MARCHF6: variants seen among roughly 807,000 people sequenced by gnomAD.
MARCHF6 encodes the protein E3 ubiquitin-protein ligase MARCHF6.
MARCHF6 carries 31 observed loss-of-function variants against 133.7 expected under a neutral mutation model. That is an observed-to-expected ratio of 0.23 (90% CI 0.17 to 0.31). MARCHF6 has a LOEUF of 0.31. Among genes scored for constraint, MARCHF6 ranks in the 10% least tolerant of loss-of-function variants. The pLI, the probability that MARCHF6 is intolerant of heterozygous loss-of-function variation, is 1.00. For synonymous variants in MARCHF6, 395 were observed against 402.5 expected (o/e 0.98, Z 0.22); for missense variants, 723 against 1,121.6 (o/e 0.64, Z 5.08).
In MARCHF6 at chr5:10,438,990, T is replaced by C. The variant is rs1039170535; in HGVS notation, c.*5306T>C. 2.0e-5 allele frequency: 3 copies of C among 152,358 alleles called. No individual in the cohort carries two copies. Among genetic ancestry groups the C allele is most frequent in the African/African-American group, 7.2e-5 (3 of 41,580 alleles). 9.4% of individuals were successfully genotyped at this position (152,358 alleles called of 1,614,324 possible). On this transcript the variant is annotated 3_prime_UTR_variant, in exon 26 of 26. Transcript: ENST00000274140. Reference sequence around the variant, plus strand: ...TCATTTTGAAACTTTTCTTCACATATGTAACAGTGCCGGAGTTTTTCTGCT... The same window carrying C: ...TCATTTTGAAACTTTTCTTCACATACGTAACAGTGCCGGAGTTTTTCTGCT...
intron 23 of MARCHF6, among the ~76,000 whole-genome samples, chr5:10,424,710 A>G (rs1288590155): frequency 6.6e-6 from 1 of 152,218 alleles, no homozygotes; most frequent in Non-Finnish European, 1.5e-5. Flanking sequence ...AGCCTGTAGT[A>G]GATTTGGAGT....
intron 1 of MARCHF6, among the ~76,000 whole-genome samples, chr5:10,359,407 A>G (rs1735672744): frequency 6.6e-6 from 1 of 152,148 alleles, no homozygotes; most frequent in South Asian, 2.1e-4. Context: ...TATTGTAAAA[A>G]TAAAGTATAT....
chr5:10,400,925 C>A, intron 11 of MARCHF6, 83 bp downstream of exon 11: 1 of 1,110,206 alleles, frequency 9.0e-7, no homozygotes, highest in South Asian at 1.3e-5. Flanking sequence ...TAAAGAGTTA[C>A]ATCATTTCTT....
intron 1 of MARCHF6, chr5:10,354,125 G>GCGGGGACCCTGCCGGGCAGGGGCCGGGGC (rs1735287115): frequency 2.7e-6 from 1 of 363,856 alleles, no homozygotes; most frequent in African/African-American, 2.1e-5. Flanking sequence ...GCCGAGGGGG[G>GCGGGGACCCTGCCGGGCAGGGGCCGGGGC]CGGGGACCCT....
At chr5:10,394,233 T>C (rs2126739327) in intron 8 of MARCHF6, 90 bp downstream of exon 8, 1 of 677,850 alleles carries the variant, frequency 1.5e-6, no homozygotes, top group South Asian at 2.9e-5. Flanking sequence ...ACTAATGTTA[T>C]CGTTACAGTT....
At chr5:10,416,112 A>T (rs1739498446) in intron 21 of MARCHF6, among the ~76,000 whole-genome samples, 1 of 152,202 alleles carries the variant, frequency 6.6e-6, no homozygotes. Context: ...TATATTACTT[A>T]CTTAAGGGCC....
At chr5:10,415,104 T>C (rs556071727) in intron 20 of MARCHF6, among the ~76,000 whole-genome samples, 1 of 152,354 alleles carries the variant, frequency 6.6e-6, no homozygotes, top group South Asian at 2.1e-4. Context: ...ATTAAAAGTA[T>C]TGACATCACA....
intron 17 of MARCHF6, among the ~76,000 whole-genome samples, chr5:10,409,364 T>A (rs73740710): frequency 0.017 from 2,519 of 152,318 alleles, 78 homozygotes; most frequent in African/African-American, 0.058. Context: ...AGGAAAGCCC[T>A]GAAGGAGTTG....
At chr5:10,355,497 G>T (rs1735399108) in intron 1 of MARCHF6, among the ~76,000 whole-genome samples, 1 of 152,194 alleles carries the variant, frequency 6.6e-6, no homozygotes, top group African/African-American at 2.4e-5. Flanking sequence ...TGCGCTCGAA[G>T]CACGTATGGA....
chr5:10,371,710 G>A (rs894253141), intron 1 of MARCHF6, among the ~76,000 whole-genome samples: 1 of 152,168 alleles, frequency 6.6e-6, no homozygotes, highest in African/African-American at 2.4e-5. Flanking sequence ...TGAAATAAAG[G>A]GTAGTTCTTA....
At chr5:10,364,521 A>G (rs1050168792) in intron 1 of MARCHF6, among the ~76,000 whole-genome samples, 3 of 152,104 alleles carry the variant, frequency 2.0e-5, no homozygotes, top group African/African-American at 7.2e-5. Context: ...CCTAGCCAAA[A>G]GAAAAGAAAA....
At chr5:10,423,483 C>A (rs558118178) in intron 22 of MARCHF6, among the ~76,000 whole-genome samples, 2 of 152,256 alleles carry the variant, frequency 1.3e-5, no homozygotes, top group Admixed American at 6.5e-5. Context: ...ACCAGACTTT[C>A]TCTAACTCTT....
intron 1 of MARCHF6, among the ~76,000 whole-genome samples, chr5:10,368,861 C>T (rs1736291648): frequency 6.6e-6 from 1 of 152,242 alleles, no homozygotes; most frequent in African/African-American, 2.4e-5. Context: ...GCGTGAGCCA[C>T]CGTGCCCAGC....
intron 1 of MARCHF6, among the ~76,000 whole-genome samples, chr5:10,370,249 C>T (rs973014391): frequency 2.1e-4 from 32 of 151,318 alleles, no homozygotes; most frequent in Non-Finnish European, 4.0e-4. Context: ...TACAAGCAGA[C>T]GCCATCATAC....
At chr5:10,377,673 C>T (rs1736873886) in intron 1 of MARCHF6, 125 bp from the exon 2 acceptor site, 1 of 606,374 alleles carries the variant, frequency 1.6e-6, no homozygotes, top group African/African-American at 1.8e-5. Flanking sequence ...GTTCTCCGTA[C>T]TATTAATGTT....
intron 1 of MARCHF6, among the ~76,000 whole-genome samples, chr5:10,361,731 G>C (rs142394729): frequency 6.6e-6 from 1 of 152,046 alleles, no homozygotes; most frequent in Non-Finnish European, 1.5e-5. Context: ...AGCATTCCCT[G>C]TACACTTATT....
chr5:10,412,687 C>T (rs1739299376), intron 19 of MARCHF6, among the ~76,000 whole-genome samples: 1 of 152,170 alleles, frequency 6.6e-6, no homozygotes, highest in Non-Finnish European at 1.5e-5. Flanking sequence ...ATCCTCCTAC[C>T]TACTCAGCCG....
chr5:10,405,189 G>GA (rs1738804983), intron 15 of MARCHF6, among the ~76,000 whole-genome samples: 1 of 152,162 alleles, frequency 6.6e-6, no homozygotes, highest in African/African-American at 2.4e-5. Flanking sequence ...TTTACAGGGG[G>GA]AAGGCAAATC....
chr5:10,390,562 C>G (rs1056423578), intron 6 of MARCHF6, 62 bp downstream of exon 6: 4 of 1,449,888 alleles, frequency 2.8e-6, no homozygotes, highest in Non-Finnish European at 3.8e-6. Context: ...TTGTTTCTCT[C>G]TGAGACTCAA....
Sources: gnomAD v4.1 joint callset for allele counts (sites outside exome capture counted in the v4.1 genomes callset) on GRCh38, gnomAD v4.1.1 for gene constraint, MANE v1.5 for transcripts, NCBI Gene and HGNC (gene_info 2026-07-23, HGNC 2026-07-21) for gene names.